Variants in KIAA1217 observed in about 807,000 individuals in gnomAD.
KIAA1217 encodes the protein sickle tail protein homolog.
A neutral mutation model predicts 163.9 loss-of-function variants in KIAA1217; 88 were observed. The observed-to-expected ratio is 0.54, with a 90% CI of 0.45 to 0.64. The LOEUF (loss-of-function observed/expected upper bound fraction) is 0.64, where lower values mean the gene tolerates loss of function less well. Among genes scored for constraint, KIAA1217 ranks in the 30% least tolerant of loss-of-function variants. The pLI, the probability that KIAA1217 is intolerant of heterozygous loss-of-function variation, is 0.00. For synonymous variants in KIAA1217, 903 were observed against 923.1 expected (o/e 0.98, Z 0.39); for missense variants, 2,372 against 2,475.0 (o/e 0.96, Z 0.88).
At chr10:24,043,034 G>A (rs867204036) in intron 2 of KIAA1217, among the ~76,000 whole-genome samples, 8 of 152,280 alleles carry the variant, frequency 5.3e-5, no homozygotes, top group Middle Eastern at 3.4e-3. Context: ...CTTCTCAGGT[G>A]AATGTTGGAA....
chr10:24,416,384 A>G (rs2058249832), intron 3 of KIAA1217, among the ~76,000 whole-genome samples: 1 of 152,234 alleles, frequency 6.6e-6, no homozygotes, highest in African/African-American at 2.4e-5. Context: ...ACCTGTTCAT[A>G]GAGTGGACAG....
intron 5 of KIAA1217, among the ~76,000 whole-genome samples, chr10:24,450,680 T>C (rs1268026660): frequency 1.3e-5 from 2 of 152,222 alleles, no homozygotes; most frequent in African/African-American, 4.8e-5. Flanking sequence ...TTACGTAATA[T>C]CTATTATTCT....
chr10:24,328,962 A>G (rs939496491), intron 2 of KIAA1217, among the ~76,000 whole-genome samples: 2 of 151,518 alleles, frequency 1.3e-5, no homozygotes, highest in African/African-American at 2.4e-5. Context: ...ACCATATCAC[A>G]TTTGTAGTAT....
chr10:23,787,379 C>G (rs1835541802), intron 1 of KIAA1217, among the ~76,000 whole-genome samples: 1 of 152,122 alleles, frequency 6.6e-6, no homozygotes. Flanking sequence ...CAGAAGCATT[C>G]CTGACAATAT....
rs149401665 is a variant in KIAA1217, at chr10:24,262,457, G to C, written c.354+42548G>C. 4.4e-3 allele frequency among the ~76,000 whole-genome samples: 672 copies of C among 152,000 alleles called. 6 individuals carry two copies. The highest frequency in any genetic ancestry group is 0.015 in the African/African-American group (642 of 41,482). ...CCTGGCTAATACGGTGAAACTCCGT[G>C]TCTACTAAAAATACAAAAAATTAGC... On this transcript the variant is annotated intron_variant, in intron 2 of 20. Transcript: ENST00000376454.
Position 24,274,351 on chromosome 10 carries a change from A to AT in KIAA1217, c.354+54457dup, listed in dbSNP as rs71871934. Among the ~76,000 whole-genome samples, 747 of 144,508 alleles carry AT rather than the reference A, an allele frequency of 5.2e-3. 5 individuals are homozygous for AT. The highest frequency in any genetic ancestry group is 0.011 in the African/African-American group (424 of 39,776). 94.8% of individuals were successfully genotyped at this position (144,508 alleles called of 152,430 possible). On this transcript the variant is annotated intron_variant, in intron 2 of 20. Transcript: ENST00000376454. ...TGGTGCATGCCACCAAGTCCAGCTAATTTTTTTTTTTTTTTGAGACGGAAT... is the reference window on the plus strand; with the variant it reads ...TGGTGCATGCCACCAAGTCCAGCTAATTTTTTTTTTTTTTTTGAGACGGAAT...
intron 2 of KIAA1217, among the ~76,000 whole-genome samples, chr10:24,168,953 C>T (rs562111185): frequency 2.0e-5 from 3 of 152,198 alleles, no homozygotes; most frequent in Non-Finnish European, 4.4e-5. Flanking sequence ...GCCAAGCACA[C>T]GATCTAGGTG....
intron 1 of KIAA1217, among the ~76,000 whole-genome samples, chr10:23,880,246 A>G (rs1342612072): frequency 1.3e-5 from 2 of 152,034 alleles, no homozygotes; most frequent in East Asian, 3.9e-4. Context: ...GTATGTACAC[A>G]CAATGAAGTA....
intron 1 of KIAA1217, among the ~76,000 whole-genome samples, chr10:23,988,271 C>T (rs753982109): frequency 5.9e-5 from 9 of 152,284 alleles, no homozygotes; most frequent in Admixed American, 1.3e-4. Context: ...CGCGAGCAGG[C>T]GTCTGGGCTT....
chr10:24,533,046 A>C, intron 15 of KIAA1217, 24 bp from the exon 16 acceptor site: 2 of 1,592,580 alleles, frequency 1.3e-6, no homozygotes, highest in South Asian at 2.3e-5. Flanking sequence ...TTAAACCACT[A>C]TCTGTTGTTT....
At chr10:24,079,918 C>T (rs1042098587) in intron 2 of KIAA1217, among the ~76,000 whole-genome samples, 1 of 152,196 alleles carries the variant, frequency 6.6e-6, no homozygotes, top group Admixed American at 6.5e-5. Context: ...CATCCTGGCA[C>T]ATCCAAGACT....
chr10:23,852,261 T>C (rs1159481074), intron 1 of KIAA1217, among the ~76,000 whole-genome samples: 2 of 152,208 alleles, frequency 1.3e-5, no homozygotes, highest in African/African-American at 4.8e-5. Flanking sequence ...GCACCATTTA[T>C]TAAATAGGAA....
At chr10:23,893,398 C>G (rs1294207315) in intron 1 of KIAA1217, among the ~76,000 whole-genome samples, 2 of 151,906 alleles carry the variant, frequency 1.3e-5, no homozygotes, top group African/African-American at 4.8e-5. Flanking sequence ...CTTTATTAGT[C>G]TTGCTAGTGG....
chr10:24,270,699 C>T (rs2076691531), intron 2 of KIAA1217, among the ~76,000 whole-genome samples: 1 of 152,144 alleles, frequency 6.6e-6, no homozygotes, highest in Admixed American at 6.6e-5. Flanking sequence ...TGCCTCCACA[C>T]CCAGCTAATT....
Position 24,365,083 on chromosome 10 carries a change from G to A in KIAA1217, c.355-15786G>A, listed in dbSNP as rs139420148. On this transcript the variant is annotated intron_variant, in intron 2 of 20. Coordinates refer to ENST00000376454, the MANE Select transcript of KIAA1217 (RefSeq NM_019590.5). The stretch of plus-strand genomic sequence containing the variant: ...GCCTCCCAAAGTGCTGGGGTTACAG[G>A]AGTGAGCCACCTCACCCATCCTCCC... Among the ~76,000 whole-genome samples, 618 of 152,248 alleles carry A rather than the reference G, an allele frequency of 4.1e-3. 3 individuals are homozygous for A. The highest frequency in any genetic ancestry group is 0.014 in the African/African-American group (591 of 41,544).
intron 1 of KIAA1217, among the ~76,000 whole-genome samples, chr10:24,005,798 T>C (rs1308455252): frequency 6.6e-6 from 1 of 152,224 alleles, no homozygotes; most frequent in Non-Finnish European, 1.5e-5. Context: ...GAGAAAATGT[T>C]GTTCTAAGTA....
At chr10:23,719,389 TGGGCAACATAGCGACACGCTA>T (rs1837741565) in intron 1 of KIAA1217, among the ~76,000 whole-genome samples, 1 of 152,068 alleles carries the variant, frequency 6.6e-6, no homozygotes, top group Admixed American at 6.6e-5. Flanking sequence ...AAGACCAGCC[TGGGCAACATAGCGACACGCTA>T]TCTCTACAAA....
chr10:24,401,449 A>G (rs1352655853), intron 3 of KIAA1217, among the ~76,000 whole-genome samples: 4 of 152,330 alleles, frequency 2.6e-5, no homozygotes, highest in Admixed American at 2.0e-4. Flanking sequence ...TTGAAAATTT[A>G]TAAAGTAATC....
chr10:23,838,464 T>G (rs1016506665), intron 1 of KIAA1217, among the ~76,000 whole-genome samples: 11 of 129,428 alleles, frequency 8.5e-5, no homozygotes, highest in Admixed American at 6.5e-4. Flanking sequence ...TGTTTTCCTG[T>G]TTTTTTTTTC....
Sources: allele counts gnomAD v4.1 joint callset (sites outside exome capture counted in the v4.1 genomes callset), GRCh38; gene constraint gnomAD v4.1.1; transcripts MANE v1.5; gene names NCBI Gene and HGNC (gene_info 2026-07-23, HGNC 2026-07-21).